Variants in PPARGC1A observed in about 807,000 individuals in gnomAD.
PPARGC1A encodes PPARG coactivator 1 alpha.
A neutral mutation model predicts 88.7 loss-of-function variants in PPARGC1A; 25 were observed. The ratio of observed to expected loss-of-function variants is 0.28; its 90% CI spans 0.21 to 0.39. The LOEUF (loss-of-function observed/expected upper bound fraction) is 0.39, where lower values mean the gene tolerates loss of function less well. Ranked by LOEUF, PPARGC1A falls within the 10% of genes least tolerant of loss-of-function variation. The pLI is 1.00. For missense variants in PPARGC1A, 880 were observed against 968.7 expected (o/e 0.91, Z 1.22); for synonymous variants, 363 against 355.6 (o/e 1.02, Z -0.24).
the PPARGC1A span, among the ~76,000 whole-genome samples, chr4:24,250,243 A>T: frequency 0.087 from 13,256 of 152,316 alleles, 742 homozygotes; most frequent in East Asian, 0.29. Context: ...GTGGCTGGTT[A>T]CATTCTGGTT....
At chr4:24,396,670 C>G in the PPARGC1A span, among the ~76,000 whole-genome samples, 4 of 151,994 alleles carry the variant, frequency 2.6e-5, no homozygotes, top group African/African-American at 9.7e-5. Context: ...TTCAGAGAAC[C>G]CTAGCTATCA....
the PPARGC1A span, among the ~76,000 whole-genome samples, chr4:23,973,803 A>T: frequency 1.3e-5 from 2 of 152,184 alleles, no homozygotes; most frequent in African/African-American, 2.4e-5. Context: ...TTGGTAAAGG[A>T]CACTAATAAC....
At chr4:23,888,463 T>A (rs943766649) in intron 1 of PPARGC1A, among the ~76,000 whole-genome samples, 1 of 152,116 alleles carries the variant, frequency 6.6e-6, no homozygotes, top group Non-Finnish European at 1.5e-5. Context: ...AGACCCACAG[T>A]GCCAGCCAGA....
At chr4:24,005,243 C>G in the PPARGC1A span, among the ~76,000 whole-genome samples, 1 of 151,512 alleles carries the variant, frequency 6.6e-6, no homozygotes, top group Admixed American at 6.6e-5. Flanking sequence ...GAAATAAATG[C>G]AGAGCTTTTG....
chr4:24,175,865 C>G, the PPARGC1A span, among the ~76,000 whole-genome samples: 4 of 152,056 alleles, frequency 2.6e-5, no homozygotes, highest in African/African-American at 7.2e-5. Flanking sequence ...TTCACTAGCG[C>G]TGTCATGACC....
intron 2 of PPARGC1A, among the ~76,000 whole-genome samples, chr4:23,863,593 T>C (rs1025753514): frequency 9.2e-5 from 14 of 152,172 alleles, no homozygotes; most frequent in Non-Finnish European, 2.1e-4. Flanking sequence ...CTCTATCCTG[T>C]TCAGTTTTTT....
chr4:23,999,136 T>C, the PPARGC1A span, among the ~76,000 whole-genome samples: 1 of 152,224 alleles, frequency 6.6e-6, no homozygotes, highest in African/African-American at 2.4e-5. Context: ...AGTGCATATC[T>C]ACGAGAATAC....
At chr4:23,962,702 G>A in the PPARGC1A span, among the ~76,000 whole-genome samples, 1 of 152,172 alleles carries the variant, frequency 6.6e-6, no homozygotes, top group South Asian at 2.1e-4. Flanking sequence ...CCAGGTGGGA[G>A]CCTGCACGTA....
chr4:24,334,723 G>A, the PPARGC1A span, among the ~76,000 whole-genome samples: 1 of 152,142 alleles, frequency 6.6e-6, no homozygotes, highest in Non-Finnish European at 1.5e-5. Context: ...GTGAAGGTGG[G>A]GAGCTGTTTC....
intron 2 of PPARGC1A, among the ~76,000 whole-genome samples, chr4:23,844,386 ACAAT>A (rs1727627263): frequency 7.5e-6 from 1 of 134,218 alleles, no homozygotes; most frequent in Non-Finnish European, 1.5e-5. Flanking sequence ...TTATAATATG[ACAAT>A]CTATATTATT....
the PPARGC1A span, among the ~76,000 whole-genome samples, chr4:24,013,506 G>C: frequency 2.0e-5 from 3 of 152,002 alleles, no homozygotes; most frequent in Admixed American, 6.6e-5. Context: ...TTGCCTACTT[G>C]CTTTCCTAAT....
chr4:24,379,194 A>G, the PPARGC1A span, among the ~76,000 whole-genome samples: 1 of 152,236 alleles, frequency 6.6e-6, no homozygotes, highest in East Asian at 1.9e-4. Flanking sequence ...AATATCAAAT[A>G]TAATACAGCC....
At chr4:23,956,774 G>A in the PPARGC1A span, among the ~76,000 whole-genome samples, 1 of 151,988 alleles carries the variant, frequency 6.6e-6, no homozygotes, top group African/African-American at 2.4e-5. Context: ...AAATTCAAAT[G>A]CTAAGCTCTT....
the PPARGC1A span, among the ~76,000 whole-genome samples, chr4:24,013,491 C>A: frequency 2.0e-5 from 3 of 152,184 alleles, no homozygotes; most frequent in East Asian, 5.8e-4. Flanking sequence ...CACAAGTGGT[C>A]ATTTTTGCCT....
the PPARGC1A span, among the ~76,000 whole-genome samples, chr4:24,400,409 C>G: frequency 6.6e-6 from 1 of 152,210 alleles, no homozygotes; most frequent in African/African-American, 2.4e-5. Flanking sequence ...TTCCCACTCT[C>G]AAACATTGGA....
chr4:24,236,385 T>C, the PPARGC1A span, among the ~76,000 whole-genome samples: 23 of 152,148 alleles, frequency 1.5e-4, no homozygotes, highest in Non-Finnish European at 3.1e-4. Flanking sequence ...CCTCCCTTTA[T>C]CTTGAAGACA....
chr4:24,284,204 G>A, the PPARGC1A span, among the ~76,000 whole-genome samples: 1 of 151,962 alleles, frequency 6.6e-6, no homozygotes, highest in Admixed American at 6.6e-5. Flanking sequence ...ATTTACTCAG[G>A]AGGCTGAGGC....
At chr4:24,099,287 CAAAA>C in the PPARGC1A span, among the ~76,000 whole-genome samples, 2 of 66,984 alleles carry the variant, frequency 3.0e-5, no homozygotes, top group Non-Finnish European at 3.3e-5. Flanking sequence ...CTCCCTCCTG[CAAAA>C]AAAAAAAAAA....
chr4:23,985,111 G>A, the PPARGC1A span, among the ~76,000 whole-genome samples: 1 of 152,134 alleles, frequency 6.6e-6, no homozygotes, highest in Non-Finnish European at 1.5e-5. Flanking sequence ...TGAGAGATGA[G>A]TTACTAACAG....
Sources: allele counts gnomAD v4.1 joint callset (sites outside exome capture counted in the v4.1 genomes callset), GRCh38; gene constraint gnomAD v4.1.1; transcripts MANE v1.5; gene names NCBI Gene and HGNC (gene_info 2026-07-23, HGNC 2026-07-21).